Variants in PHKB observed in about 807,000 individuals in gnomAD.
PHKB encodes the protein phosphorylase kinase regulatory subunit beta, also known as phosphorylase b kinase regulatory subunit beta.
In PHKB, 122 loss-of-function variants were observed where a neutral mutation model predicts 152.1. That is an observed-to-expected ratio of 0.80 (90% CI 0.69 to 0.93). PHKB has a LOEUF of 0.93. Among genes scored for constraint, PHKB ranks in the 40% least tolerant of loss-of-function variants. The pLI, the probability that PHKB is intolerant of heterozygous loss-of-function variation, is 0.00. For missense variants in PHKB, 1,304 were observed against 1,328.4 expected (o/e 0.98, Z 0.29); for synonymous variants, 436 against 464.9 (o/e 0.94, Z 0.80).
intron 6 of PHKB, among the ~76,000 whole-genome samples, chr16:47,546,319 T>A (rs1326611547): frequency 6.6e-6 from 1 of 152,236 alleles, no homozygotes; most frequent in Non-Finnish European, 1.5e-5. Flanking sequence ...CCTTTCTGTT[T>A]GTTAGTTTTC....
At chr16:47,595,598 A>G (rs1972104944) in intron 12 of PHKB, among the ~76,000 whole-genome samples, 1 of 152,226 alleles carries the variant, frequency 6.6e-6, no homozygotes, top group Admixed American at 6.5e-5. Flanking sequence ...TGCTCTAGCA[A>G]TGGCTCAGAG....
chr16:47,518,987 CA>C (rs1970642698), intron 6 of PHKB, among the ~76,000 whole-genome samples: 1 of 152,092 alleles, frequency 6.6e-6, no homozygotes, highest in African/African-American at 2.4e-5. Context: ...CATTTAAAGT[CA>C]AAGTACCCCC....
At chr16:47,559,260 C>T (rs1015563361) in intron 7 of PHKB, among the ~76,000 whole-genome samples, 4 of 152,090 alleles carry the variant, frequency 2.6e-5, no homozygotes, top group African/African-American at 7.2e-5. Context: ...AATTCTTGTT[C>T]CAGTACTACC....
chr16:47,665,305 T>C (rs1225001221), intron 25 of PHKB: 1 of 324,906 alleles, frequency 3.1e-6, no homozygotes, highest in African/African-American at 2.2e-5. Context: ...AAAAAAATTG[T>C]CTTATGTATT....
chr16:47,476,480 A>G (rs1467123923), intron 1 of PHKB, among the ~76,000 whole-genome samples: 4 of 152,194 alleles, frequency 2.6e-5, no homozygotes, highest in South Asian at 2.1e-4. Context: ...CATTTGCTCA[A>G]TGACCTCAAG....
chr16:47,565,659 G>A (rs1055409766), intron 7 of PHKB: 27 of 1,227,874 alleles, frequency 2.2e-5, no homozygotes, highest in Middle Eastern at 2.7e-4. Flanking sequence ...TCCTGTCCTC[G>A]ACCATCCCTG....
chr16:47,512,637 A>G (rs1042777375), intron 5 of PHKB, among the ~76,000 whole-genome samples: 5 of 152,198 alleles, frequency 3.3e-5, no homozygotes, highest in Non-Finnish European at 5.9e-5. Context: ...TTTTATACCT[A>G]TGCTTAGAAC....
At chr16:47,660,063 C>T (rs1973410773) in intron 20 of PHKB, among the ~76,000 whole-genome samples, 1 of 152,084 alleles carries the variant, frequency 6.6e-6, no homozygotes, top group South Asian at 2.1e-4. Flanking sequence ...GGGGTTTCAC[C>T]AGGACAGCCA....
At chr16:47,494,917 C>T (rs1053899938) in intron 1 of PHKB, among the ~76,000 whole-genome samples, 1 of 152,056 alleles carries the variant, frequency 6.6e-6, no homozygotes, top group African/African-American at 2.4e-5. Flanking sequence ...GTAGAACATC[C>T]TTGTTAATTG....
At chr16:47,553,047 G>C (rs1971301898) in intron 7 of PHKB, among the ~76,000 whole-genome samples, 1 of 152,074 alleles carries the variant, frequency 6.6e-6, no homozygotes, top group Non-Finnish European at 1.5e-5. Flanking sequence ...TCTTTGTGGT[G>C]TTCTCTGTAT....
intron 6 of PHKB, among the ~76,000 whole-genome samples, chr16:47,540,112 A>G (rs1971026758): frequency 6.6e-6 from 1 of 152,146 alleles, no homozygotes; most frequent in Non-Finnish European, 1.5e-5. Context: ...AGACCCTAGG[A>G]AAAGAATTGC....
intron 14 of PHKB, among the ~76,000 whole-genome samples, chr16:47,617,927 C>T (rs1286173011): frequency 6.6e-6 from 1 of 152,206 alleles, no homozygotes; most frequent in African/African-American, 2.4e-5. Context: ...CCAGCTTGTT[C>T]TATATATTTG....
At chr16:47,674,135 A>G (rs1395587543) in intron 26 of PHKB, among the ~76,000 whole-genome samples, 6 of 151,716 alleles carry the variant, frequency 4.0e-5, no homozygotes, top group South Asian at 4.1e-4. Flanking sequence ...TGTAGTAACT[A>G]TGATGTGCCA....
intron 14 of PHKB, among the ~76,000 whole-genome samples, chr16:47,636,212 G>A (rs895666390): frequency 2.6e-5 from 4 of 152,194 alleles, no homozygotes; most frequent in African/African-American, 4.8e-5. Flanking sequence ...TTAAAATGTG[G>A]GAACTAGAAC....
chr16:47,587,341 T>C (rs1294912602), intron 8 of PHKB, among the ~76,000 whole-genome samples: 3 of 152,232 alleles, frequency 2.0e-5, no homozygotes, highest in Admixed American at 2.0e-4. Flanking sequence ...TCTCATTCTT[T>C]GTCATGTTAG....
chr16:47,513,350 A>G (rs1301135503), intron 5 of PHKB, among the ~76,000 whole-genome samples: 1 of 152,224 alleles, frequency 6.6e-6, no homozygotes, highest in African/African-American at 2.4e-5. Flanking sequence ...GAGAACATAT[A>G]GGGGAGCCTG....
intron 13 of PHKB, among the ~76,000 whole-genome samples, chr16:47,601,990 A>T (rs375372717): frequency 1.3e-5 from 2 of 152,220 alleles, no homozygotes; most frequent in African/African-American, 4.8e-5. Context: ...TTAGTTAACT[A>T]CAACTTTCTC....
chr16:47,680,967 G>T (rs938360326), intron 26 of PHKB, among the ~76,000 whole-genome samples: 3 of 152,128 alleles, frequency 2.0e-5, no homozygotes, highest in African/African-American at 7.2e-5. Flanking sequence ...CTGGTATGTT[G>T]TGTCTTTGTT....
At chr16:47,522,523 T>C (rs1393561770) in intron 6 of PHKB, among the ~76,000 whole-genome samples, 1 of 151,816 alleles carries the variant, frequency 6.6e-6, no homozygotes, top group Non-Finnish European at 1.5e-5. Context: ...ATTATTTTTC[T>C]CTTCTCCATT....
Sources: allele counts gnomAD v4.1 joint callset (sites outside exome capture counted in the v4.1 genomes callset), GRCh38; gene constraint gnomAD v4.1.1; transcripts MANE v1.5; gene names NCBI Gene and HGNC (gene_info 2026-07-23, HGNC 2026-07-21).